Variants in MEIS1 observed in about 807,000 individuals in gnomAD.
MEIS1 encodes homeobox protein Meis1.
In MEIS1, 5 loss-of-function variants were observed where a neutral mutation model predicts 50.8. That is an observed-to-expected ratio of 0.10 (90% CI 0.05 to 0.21). The LOEUF (loss-of-function observed/expected upper bound fraction) is 0.21. Among genes scored for constraint, MEIS1 ranks in the 10% least tolerant of loss-of-function variants. The pLI, the probability that MEIS1 is intolerant of heterozygous loss-of-function variation, is 1.00. For synonymous variants in MEIS1, 176 were observed against 179.3 expected (o/e 0.98, Z 0.15); for missense variants, 318 against 517.3 (o/e 0.61, Z 3.74).
intron 8 of MEIS1, among the ~76,000 whole-genome samples, chr2:66,523,359 G>T (rs963069905): frequency 6.6e-6 from 1 of 152,164 alleles, no homozygotes; most frequent in African/African-American, 2.4e-5. Flanking sequence ...AAGGTTGTAG[G>T]CTTAGAAACA....
chr2:66,493,385 C>T lies in MEIS1; in HGVS notation c.743-18764C>T, dbSNP rs572137499. Among the ~76,000 whole-genome samples, 16 of 152,220 alleles carry T rather than the reference C, an allele frequency of 1.1e-4. 2 individuals carry two copies. Among genetic ancestry groups the T allele is most frequent in the African/African-American group, 3.1e-4 (13 of 41,540 alleles). ...TTTAACATGAAGCCTTGCTAGCTTCCTAACTATAATATTTCCACCTTATTT... is the reference window on the plus strand; with the variant it reads ...TTTAACATGAAGCCTTGCTAGCTTCTTAACTATAATATTTCCACCTTATTT... On this transcript the variant is annotated intron_variant, in intron 7 of 12. Coordinates refer to ENST00000272369, the MANE Select transcript of MEIS1 (RefSeq NM_002398.3).
At chr2:66,499,573 G>A (rs552994705) in intron 7 of MEIS1, among the ~76,000 whole-genome samples, 171 of 152,076 alleles carry the variant, frequency 1.1e-3, no homozygotes, top group African/African-American at 4.1e-3. Context: ...AAGATTCCCA[G>A]GAAGACAGGG....
chr2:66,446,648 A>G (rs904524277), intron 6 of MEIS1, among the ~76,000 whole-genome samples: 1 of 152,258 alleles, frequency 6.6e-6, no homozygotes, highest in East Asian at 1.9e-4. Flanking sequence ...CGGGCTGCAC[A>G]GGACGCCCTG....
intron 8 of MEIS1, among the ~76,000 whole-genome samples, chr2:66,535,719 TTTGC>T (rs1448936047): frequency 6.6e-6 from 1 of 152,158 alleles, no homozygotes; most frequent in African/African-American, 2.4e-5. Context: ...TTGGAAAGGG[TTTGC>T]TTAAGAAGGT....
intron 9 of MEIS1, among the ~76,000 whole-genome samples, chr2:66,551,092 T>C (rs1432323580): frequency 6.9e-6 from 1 of 144,912 alleles, no homozygotes; most frequent in Non-Finnish European, 1.5e-5. Context: ...AGCAGTAACA[T>C]AATGTATCAA....
chr2:66,454,026 G>T (rs979278629), intron 6 of MEIS1, among the ~76,000 whole-genome samples: 2 of 151,968 alleles, frequency 1.3e-5, no homozygotes, highest in African/African-American at 2.4e-5. Context: ...TTTGAATCTA[G>T]ACTTTGCTCT....
At chr2:66,567,760 ATTC>A (rs1675386489) in intron 10 of MEIS1, 1 of 626,120 alleles carries the variant, frequency 1.6e-6, no homozygotes, top group Non-Finnish European at 2.8e-6. Flanking sequence ...CAGTTACAAT[ATTC>A]TTTGTACACA....
At chr2:66,439,700 GGGA>G in intron 2 of MEIS1, 140 bp from the exon 3 acceptor site, 2 of 1,545,672 alleles carry the variant, frequency 1.3e-6, no homozygotes, top group Non-Finnish European at 8.7e-7. Context: ...CTGGGGGAGG[GGGA>G]GGAAAAGGAA....
intron 6 of MEIS1, among the ~76,000 whole-genome samples, chr2:66,457,225 T>C (rs985309856): frequency 4.8e-4 from 73 of 151,616 alleles, no homozygotes; most frequent in African/African-American, 1.4e-3. Context: ...AATTTGAAAT[T>C]GAGTAGATGT....
chr2:66,507,509 C>G (rs1357334282), intron 7 of MEIS1, among the ~76,000 whole-genome samples: 1 of 152,194 alleles, frequency 6.6e-6, no homozygotes, highest in East Asian at 1.9e-4. Flanking sequence ...AAAGAGCCCT[C>G]TAATAGAAAA....
At chr2:66,543,163 G>A (rs1674697200) in intron 8 of MEIS1, among the ~76,000 whole-genome samples, 1 of 152,126 alleles carries the variant, frequency 6.6e-6, no homozygotes. Flanking sequence ...TAAAATGACA[G>A]CTCAGGCTTA....
chr2:66,571,643 T>G lies in MEIS1; in HGVS notation c.*435T>G. On this transcript the variant is annotated 3_prime_UTR_variant, in exon 13 of 13. Coordinates refer to ENST00000272369, the MANE Select transcript of MEIS1 (RefSeq NM_002398.3). ...ACTCTGGACCAAGGAGCATCCCTAA[T>G]TCTTCATAGGGACCTTTAAAAAGCA... 1 of 1,242,390 alleles carries G rather than the reference T, an allele frequency of 8.0e-7. No homozygotes were observed. The highest frequency in any genetic ancestry group is 1.1e-6 in the Non-Finnish European group (1 of 890,520). 77.0% of individuals were successfully genotyped at this position (1,242,390 alleles called of 1,614,324 possible). A position where few individuals can be genotyped will look rare whatever the true frequency, so the allele number is the denominator to read the frequency against.
chr2:66,439,523 G>C, intron 2 of MEIS1: 1 of 1,487,724 alleles, frequency 6.7e-7, no homozygotes, highest in Non-Finnish European at 8.9e-7. Flanking sequence ...TGTCGGGTGG[G>C]AAACTTAATT....
intron 2 of MEIS1, 102 bp from the exon 3 acceptor site, chr2:66,439,741 G>T (rs1671906545): frequency 1.9e-6 from 3 of 1,596,710 alleles, no homozygotes; most frequent in Non-Finnish European, 2.6e-6. Context: ...TCGGAGAGGG[G>T]GTCTGTTCCT....
At chr2:66,565,696 G>T (rs1675329898) in intron 9 of MEIS1, among the ~76,000 whole-genome samples, 1 of 152,084 alleles carries the variant, frequency 6.6e-6, no homozygotes, top group Admixed American at 6.6e-5. Flanking sequence ...ATCCATAAAA[G>T]ATTATGTTTT....
intron 7 of MEIS1, among the ~76,000 whole-genome samples, chr2:66,479,476 A>G (rs1288373289): frequency 6.6e-6 from 1 of 152,222 alleles, no homozygotes; most frequent in Non-Finnish European, 1.5e-5. Context: ...TGTAGTTAGT[A>G]TATTGAATAC....
intron 7 of MEIS1, among the ~76,000 whole-genome samples, chr2:66,476,009 G>A (rs1454515503): frequency 2.6e-5 from 4 of 152,120 alleles, no homozygotes; most frequent in Non-Finnish European, 5.9e-5. Context: ...ACCATTCTCT[G>A]GTGGGTTCGC....
intron 7 of MEIS1, among the ~76,000 whole-genome samples, chr2:66,484,397 T>G (rs941121476): frequency 3.3e-5 from 5 of 152,212 alleles, no homozygotes; most frequent in African/African-American, 1.2e-4. Context: ...TCCTTTATTT[T>G]TCTATTCATT....
intron 9 of MEIS1, among the ~76,000 whole-genome samples, chr2:66,565,264 A>G (rs1675318659): frequency 1.3e-5 from 2 of 151,368 alleles, no homozygotes; most frequent in African/African-American, 4.8e-5. Context: ...ATACAGATAA[A>G]TCAAGTCACT....
Sources: gnomAD v4.1 joint callset for allele counts (sites outside exome capture counted in the v4.1 genomes callset) on GRCh38, gnomAD v4.1.1 for gene constraint, MANE v1.5 for transcripts, NCBI Gene and HGNC (gene_info 2026-07-23, HGNC 2026-07-21) for gene names.